The following TENM2 variants were observed in gnomAD, a reference collection of about 807,000 sequenced individuals.
The protein encoded by TENM2 is teneurin transmembrane protein 2, also known as teneurin-2.
A neutral mutation model predicts 245.2 loss-of-function variants in TENM2; 52 were observed. The observed-to-expected ratio is 0.21, with a 90% confidence interval of 0.17 to 0.27. The LOEUF is 0.27. Among genes scored for constraint, TENM2 ranks in the 10% least tolerant of loss-of-function variants. The pLI is 1.00. For missense variants in TENM2, 3,046 were observed against 3,666.8 expected (o/e 0.83, Z 4.37); for synonymous variants, 1,363 against 1,438.9 (o/e 0.95, Z 1.19).
intron 2 of TENM2, among the ~76,000 whole-genome samples, chr5:167,422,090 G>A (rs180732740): frequency 2.6e-5 from 4 of 152,068 alleles, no homozygotes; most frequent in East Asian, 1.9e-4. Context: ...ATTCCCGGCC[G>A]GTAGTATTCT....
the TENM2 span, among the ~76,000 whole-genome samples, chr5:167,170,239 C>T: frequency 1.3e-5 from 2 of 152,336 alleles, no homozygotes; most frequent in South Asian, 2.1e-4. Flanking sequence ...AGGGGAAAAA[C>T]GTACAATCGA....
chr5:167,877,033 G>A (rs978305655), intron 3 of TENM2, among the ~76,000 whole-genome samples: 2 of 152,146 alleles, frequency 1.3e-5, no homozygotes, highest in Admixed American at 6.5e-5. Context: ...GTAGGAACGG[G>A]CAATAACTAG....
the TENM2 span, among the ~76,000 whole-genome samples, chr5:167,227,870 C>T: frequency 2.6e-5 from 4 of 152,144 alleles, no homozygotes; most frequent in Admixed American, 1.3e-4. Context: ...TCTCTCTTTA[C>T]AACTGAGACA....
intron 2 of TENM2, among the ~76,000 whole-genome samples, chr5:167,651,857 T>C (rs1456862740): frequency 6.6e-6 from 1 of 152,190 alleles, no homozygotes; most frequent in Non-Finnish European, 1.5e-5. Context: ...CAAGAAATTC[T>C]GGTCACTGCA....
chr5:167,889,145 C>T lies in TENM2; in HGVS notation c.712+12950C>T, dbSNP rs61002798. On this transcript the variant is annotated intron_variant, in intron 3 of 28. Transcript: ENST00000518659. ...AAAAAACTAAACTGATGATAGAGCA[C>T]CTTTTTAACACTTCAGCAGAACAGT... 1.6e-3 allele frequency among the ~76,000 whole-genome samples: 247 copies of T among 152,252 alleles called. 1 individual carries two copies. The highest frequency in any genetic ancestry group is 5.6e-3 in the African/African-American group (234 of 41,558).
intron 5 of TENM2, among the ~76,000 whole-genome samples, chr5:167,993,584 A>C (rs139544350): frequency 8.6e-4 from 131 of 152,334 alleles, no homozygotes; most frequent in African/African-American, 3.0e-3. Context: ...ACTGAATTGA[A>C]GAATAGTGGT....
chr5:167,788,080 G>GT (rs1455594412), intron 2 of TENM2, among the ~76,000 whole-genome samples: 1 of 152,172 alleles, frequency 6.6e-6, no homozygotes, highest in African/African-American at 2.4e-5. Flanking sequence ...TTCCAAGTGG[G>GT]TAGGACTGTT....
At chr5:167,549,902 G>A (rs1175186514) in intron 2 of TENM2, among the ~76,000 whole-genome samples, 1 of 152,028 alleles carries the variant, frequency 6.6e-6, no homozygotes, top group East Asian at 1.9e-4. Flanking sequence ...TCTTCCCTGA[G>A]TAATTTCAGG....
chr5:167,260,327 G>A, the TENM2 span, among the ~76,000 whole-genome samples: 9 of 152,018 alleles, frequency 5.9e-5, no homozygotes, highest in Admixed American at 5.9e-4. Flanking sequence ...TGAAAATTCT[G>A]GAAACTTAAT....
At chr5:168,144,383 A>G (rs937277232) in intron 12 of TENM2, among the ~76,000 whole-genome samples, 6 of 146,446 alleles carry the variant, frequency 4.1e-5, no homozygotes, top group African/African-American at 1.5e-4. Context: ...TCCTGTGTGC[A>G]TGTGATCTCA....
At chr5:167,107,990 G>A in the TENM2 span, among the ~76,000 whole-genome samples, 2 of 152,098 alleles carry the variant, frequency 1.3e-5, no homozygotes, top group Non-Finnish European at 2.9e-5. Context: ...ATGGATATTT[G>A]TTTCTGTTCT....
chr5:167,897,889 TG>T lies in TENM2; in HGVS notation c.712+21695del, dbSNP rs139830576. ...TTCAGTTGGGTAATCCGTAGTAAAT[TG>T]TTTTTTTTTTTTTTTTTTTTGCATC... On this transcript the variant is annotated intron_variant, in intron 3 of 28. Transcript: ENST00000518659. Among the ~76,000 whole-genome samples the T allele has an allele frequency of 3.1e-3, 405 of 129,096 alleles. 3 individuals are homozygous for T. Among genetic ancestry groups the T allele is most frequent in the African/African-American group, 9.5e-3 (351 of 36,960 alleles). 84.7% of individuals were successfully genotyped at this position (129,096 alleles called of 152,430 possible).
At chr5:167,721,959 C>T (rs1759658889) in intron 2 of TENM2, among the ~76,000 whole-genome samples, 1 of 152,238 alleles carries the variant, frequency 6.6e-6, no homozygotes, top group East Asian at 1.9e-4. Context: ...TGAAATTAAC[C>T]CAGACGTGAA....
At chr5:168,136,066 A>T (rs1257286323) in intron 12 of TENM2, among the ~76,000 whole-genome samples, 4 of 152,182 alleles carry the variant, frequency 2.6e-5, no homozygotes, top group African/African-American at 9.6e-5. Flanking sequence ...TCAAGTGAGA[A>T]GATTAACTCA....
intron 2 of TENM2, among the ~76,000 whole-genome samples, chr5:167,596,858 A>G (rs1262968416): frequency 6.6e-6 from 1 of 151,922 alleles, no homozygotes; most frequent in Non-Finnish European, 1.5e-5. Flanking sequence ...CTCTTCTTCC[A>G]TTAGGACTTC....
the TENM2 span, among the ~76,000 whole-genome samples, chr5:167,174,101 G>A: frequency 6.7e-6 from 1 of 150,094 alleles, no homozygotes; most frequent in Admixed American, 6.6e-5. Flanking sequence ...TGTGAACTGA[G>A]TTTTCTCGTT....
intron 2 of TENM2, among the ~76,000 whole-genome samples, chr5:167,752,090 C>T (rs547786791): frequency 3.5e-4 from 53 of 151,370 alleles, no homozygotes; most frequent in African/African-American, 1.3e-3. Flanking sequence ...CTCTTGGGGC[C>T]CCTTCTTTCC....
intron 25 of TENM2, among the ~76,000 whole-genome samples, chr5:168,239,527 C>T (rs966660807): frequency 3.3e-5 from 5 of 152,124 alleles, no homozygotes; most frequent in Non-Finnish European, 7.3e-5. Context: ...CCCAGGGTGG[C>T]AGTCAGAGGT....
At chr5:167,195,409 A>C in the TENM2 span, among the ~76,000 whole-genome samples, 1 of 152,032 alleles carries the variant, frequency 6.6e-6, no homozygotes, top group African/African-American at 2.4e-5. Context: ...GAAGTAGAGG[A>C]AGATCAGGGA....
Sources: gnomAD v4.1 joint callset for allele counts (sites outside exome capture counted in the v4.1 genomes callset) on GRCh38, gnomAD v4.1.1 for gene constraint, MANE v1.5 for transcripts, NCBI Gene and HGNC (gene_info 2026-07-23, HGNC 2026-07-21) for gene names.